SEC14L6: variants seen among roughly 807,000 people sequenced by gnomAD.
SEC14L6 encodes SEC14 like lipid binding 6.
Under a neutral mutation model 54.1 loss-of-function variants are expected in SEC14L6, and 40 were observed. The observed-to-expected ratio is 0.74, with a 90% CI of 0.57 to 0.96. The LOEUF (loss-of-function observed/expected upper bound fraction) is 0.96, where lower values mean the gene tolerates loss of function less well. SEC14L6 is among the 40% of genes least tolerant of loss of function. The pLI is 0.00. For synonymous variants in SEC14L6, 171 were observed against 198.4 expected (o/e 0.86, Z 1.16); for missense variants, 471 against 498.3 (o/e 0.95, Z 0.52).
intron 1 of SEC14L6, chr22:30,543,057 C>T (rs2085753667): frequency 1.3e-6 from 2 of 1,598,340 alleles, no homozygotes; most frequent in African/African-American, 2.7e-5. Context: ...CCACACCTGA[C>T]CACACAGTGA....
rs1348373453 is a variant in SEC14L6, at chr22:30,543,905, A to C, written c.54+2724T>G. 1.9e-6 allele frequency: 3 copies of C among 1,599,726 alleles called. No homozygotes were observed. The African/African-American group carries it at 4.0e-5, about 21-fold the overall frequency. Reference sequence around the variant, plus strand: ...AAGAAGCCTGCTCCCCGGGCCGCGGAGCCCAACAACCACACAGAGTATGCC... The same window carrying C: ...AAGAAGCCTGCTCCCCGGGCCGCGGCGCCCAACAACCACACAGAGTATGCC... On this transcript the variant is annotated intron_variant, in intron 1 of 11. Coordinates refer to ENST00000402034, the MANE Select transcript of SEC14L6 (RefSeq NM_001193336.4).
In SEC14L6 at chr22:30,525,708, T is replaced by G. The variant is rs549859955; in HGVS notation, c.814A>C (p.Lys272Gln). Reference sequence around the variant, plus strand: ...TGCTCATACTGCAGCCTCACCTGCTTGCACAGGTAGTAGCTCTTGGGCACC... The same window carrying G: ...TGCTCATACTGCAGCCTCACCTGCTGGCACAGGTAGTAGCTCTTGGGCACC... ...GEVPKSYYLC[K>Q]QVRLQYEHTR... Residue 272 changes from lysine to glutamine, a missense_variant, in exon 10 of 12, where the codon AAG becomes CAG. Coordinates refer to ENST00000402034, the MANE Select transcript of SEC14L6 (RefSeq NM_001193336.4). The G allele has an allele frequency of 1.1e-5, 17 of 1,613,904 alleles. No individual in the cohort carries two copies. The highest frequency in any genetic ancestry group is 7.7e-5 in the South Asian group (7 of 91,042).
intron 1 of SEC14L6, chr22:30,543,673 G>A (rs970939350): frequency 5.3e-5 from 85 of 1,611,964 alleles, no homozygotes; most frequent in Non-Finnish European, 7.0e-5. Flanking sequence ...TGGACCTAAT[G>A]AACAGAACAT....
intron 1 of SEC14L6, among the ~76,000 whole-genome samples, chr22:30,542,107 C>T (rs1241867626): frequency 6.6e-6 from 1 of 152,140 alleles, no homozygotes; most frequent in African/African-American, 2.4e-5. Context: ...TGGACCTGGG[C>T]CCCACCCTGC....
chr22:30,525,524 A>C lies in SEC14L6; in HGVS notation c.912-5T>G. On this transcript the variant is annotated splice_polypyrimidine_tract_variant and splice_region_variant and intron_variant, in intron 10 of 11. Transcript: ENST00000402034. Reference sequence around the variant, plus strand: ...CCATCTGAAGCAAACTGCCACCTGCAGTGGATAGAGCCCCATTGGCGACCC... The same window carrying C: ...CCATCTGAAGCAAACTGCCACCTGCCGTGGATAGAGCCCCATTGGCGACCC... The C allele has an allele frequency of 6.2e-7, 1 of 1,613,960 alleles. No homozygotes were observed. The highest frequency in any genetic ancestry group is 8.5e-7 in the Non-Finnish European group (1 of 1,179,848).
Position 30,529,178 on chromosome 22 carries a change from C to T in SEC14L6, c.581-8G>A. 6.4e-7 allele frequency: 1 copy of T among 1,550,862 alleles called. No homozygotes were observed. Among genetic ancestry groups the T allele is most frequent in the Non-Finnish European group, 8.7e-7 (1 of 1,147,034 alleles). ...CGGCGAATAGCTTGGGGGCTGAAAC[C>T]AGGCACAGAACTGCTCCCTCAGGCG... On this transcript the variant is annotated splice_polypyrimidine_tract_variant and splice_region_variant and intron_variant, in intron 7 of 11. Coordinates refer to ENST00000402034, the MANE Select transcript of SEC14L6 (RefSeq NM_001193336.4).
chr22:30,525,957 C>T, intron 8 of SEC14L6, 25 bp from the exon 9 acceptor site: 1 of 1,573,454 alleles, frequency 6.4e-7, no homozygotes, highest in Non-Finnish European at 8.6e-7. Flanking sequence ...GAGAGGGACT[C>T]CAAAGGGACT....
At chr22:30,534,477 T>C (rs1937082309) in intron 2 of SEC14L6, among the ~76,000 whole-genome samples, 1 of 151,648 alleles carries the variant, frequency 6.6e-6, no homozygotes, top group Non-Finnish European at 1.5e-5. Context: ...AGTGGCATGA[T>C]CTTGGCTCAC....
At chr22:30,545,368 C>A (rs895424053) in intron 1 of SEC14L6, among the ~76,000 whole-genome samples, 1 of 152,106 alleles carries the variant, frequency 6.6e-6, no homozygotes, top group African/African-American at 2.4e-5. Context: ...ACACAGGATT[C>A]CAAAGACTCA....
intron 2 of SEC14L6, among the ~76,000 whole-genome samples, chr22:30,534,416 T>C (rs1184552366): frequency 5.9e-5 from 2 of 33,668 alleles, no homozygotes; most frequent in South Asian, 1.8e-3. Context: ...TAAAAAAAAT[T>C]TTTTTTTTTT....
chr22:30,532,081 G>C, intron 5 of SEC14L6, 83 bp from the exon 6 acceptor site: 1 of 1,500,252 alleles, frequency 6.7e-7, no homozygotes, highest in South Asian at 1.3e-5. Context: ...TAAGCCCAGG[G>C]CACTGGCCTG....
At chr22:30,546,475 G>T (rs1209559378) in intron 1 of SEC14L6, among the ~76,000 whole-genome samples, 154 bp downstream of exon 1, 1 of 151,046 alleles carries the variant, frequency 6.6e-6, no homozygotes, top group East Asian at 2.0e-4. Flanking sequence ...CTATTGGTTA[G>T]TGCTGGTGTA....
intron 8 of SEC14L6, among the ~76,000 whole-genome samples, chr22:30,528,023 C>T (rs768993357): frequency 1.1e-4 from 16 of 151,022 alleles, no homozygotes; most frequent in Non-Finnish European, 1.9e-4. Context: ...AATTGTAGTT[C>T]GCTGGGTGAC....
intron 7 of SEC14L6, 50 bp from the exon 8 acceptor site, chr22:30,529,220 G>T (rs1420526718): frequency 6.5e-7 from 1 of 1,547,772 alleles, no homozygotes; most frequent in Non-Finnish European, 8.7e-7. Flanking sequence ...TGGGGTCTCA[G>T]GTGCCCACCC....
intron 6 of SEC14L6, among the ~76,000 whole-genome samples, chr22:30,529,614 T>C (rs1254243837): frequency 2.8e-4 from 43 of 152,168 alleles, no homozygotes; most frequent in Admixed American, 2.8e-3. Context: ...TTTTATTTCT[T>C]ATTTTATTTT....
chr22:30,532,129 G>A, intron 5 of SEC14L6, 131 bp from the exon 6 acceptor site: 1 of 1,444,152 alleles, frequency 6.9e-7, no homozygotes, highest in East Asian at 2.5e-5. Flanking sequence ...GATGGGGGAG[G>A]GAAGGGGCCA....
rs1342269487 is a variant in SEC14L6 at position 30,524,105 on chromosome 22, T to C, written c.*892A>G. ...CCTTATTCCACGGAGCCTGCTGAAATTATTCAAACTAGCAAATCTCAAGCC... is the reference window on the plus strand; with the variant it reads ...CCTTATTCCACGGAGCCTGCTGAAACTATTCAAACTAGCAAATCTCAAGCC... On this transcript the variant is annotated 3_prime_UTR_variant, in exon 12 of 12. Coordinates refer to ENST00000402034, the MANE Select transcript of SEC14L6 (RefSeq NM_001193336.4). The C allele has an allele frequency of 6.6e-6, 1 of 152,182 alleles. No individual in the cohort carries two copies. Among genetic ancestry groups the C allele is most frequent in the Non-Finnish European group, 1.5e-5 (1 of 68,042 alleles). 9.4% of individuals were successfully genotyped at this position (152,182 alleles called of 1,614,324 possible).
chr22:30,543,733 G>A, intron 1 of SEC14L6: 3 of 1,591,882 alleles, frequency 1.9e-6, no homozygotes, highest in Non-Finnish European at 2.6e-6. Context: ...CCTACTGATG[G>A]AGGCTCTCTA....
At chr22:30,538,775 C>A in intron 2 of SEC14L6, 52 bp downstream of exon 2, 1 of 1,233,276 alleles carries the variant, frequency 8.1e-7, no homozygotes, top group Non-Finnish European at 1.2e-6. Flanking sequence ...ATACCAAATA[C>A]ACTCCTCTTT....
Sources: gnomAD v4.1 joint callset for allele counts (sites outside exome capture counted in the v4.1 genomes callset) on GRCh38, gnomAD v4.1.1 for gene constraint, MANE v1.5 for transcripts, NCBI Gene and HGNC (gene_info 2026-07-23, HGNC 2026-07-21) for gene names.